Variants in ADAMTSL1 observed in about 807,000 individuals in gnomAD.
ADAMTSL1 encodes ADAMTS like 1.
A neutral mutation model predicts 201.8 loss-of-function variants in ADAMTSL1; 126 were observed. The observed-to-expected ratio is 0.62, with a 90% CI of 0.54 to 0.72. The LOEUF (loss-of-function observed/expected upper bound fraction) is 0.72, where lower values mean the gene tolerates loss of function less well. Ranked by LOEUF, ADAMTSL1 falls within the 30% of genes least tolerant of loss-of-function variation. The pLI is 0.00. For missense variants in ADAMTSL1, 2,679 were observed against 2,277.8 expected (o/e 1.18, Z -3.59); for synonymous variants, 1,121 against 903.4 (o/e 1.24, Z -4.32).
chr9:18,753,578 C>T lies in ADAMTSL1; in HGVS notation c.2217+70C>T, dbSNP rs149162416. On this transcript the variant is annotated intron_variant, in intron 16 of 28. Transcript: ENST00000380548. Reference sequence around the variant, plus strand: ...GTGACTCAAAAAAGGGATGCTCTCTCAGAGTGGTTTTGTCCAGGGATGTTA... The same window carrying T: ...GTGACTCAAAAAAGGGATGCTCTCTTAGAGTGGTTTTGTCCAGGGATGTTA... 4.6e-5 allele frequency: 70 copies of T among 1,520,924 alleles called. 1 individual carries two copies. The East Asian group carries it at 8.7e-4, about 19-fold the overall frequency. 94.2% of individuals were successfully genotyped at this position (1,520,924 alleles called of 1,614,324 possible). A position where few individuals can be genotyped will look rare whatever the true frequency, so the allele number is the denominator to read the frequency against.
At chr9:17,975,879 T>C (rs1030408169) in intron 1 of ADAMTSL1, among the ~76,000 whole-genome samples, 1 of 152,122 alleles carries the variant, frequency 6.6e-6, no homozygotes, top group African/African-American at 2.4e-5. Context: ...TGTTTATCTA[T>C]TTAGAGTTGA....
At chr9:18,296,905 A>T (rs1284733982) in intron 2 of ADAMTSL1, among the ~76,000 whole-genome samples, 14 of 152,228 alleles carry the variant, frequency 9.2e-5, no homozygotes, top group Admixed American at 9.2e-4. Flanking sequence ...TTTGTATCTC[A>T]GAGGCTTAAA....
chr9:18,346,434 A>G (rs892947776), intron 2 of ADAMTSL1, among the ~76,000 whole-genome samples: 3 of 152,134 alleles, frequency 2.0e-5, no homozygotes, highest in African/African-American at 4.8e-5. Flanking sequence ...TTTCCCACAT[A>G]CTAGCTGAGT....
intron 2 of ADAMTSL1, among the ~76,000 whole-genome samples, chr9:18,276,203 TTTA>T (rs1189278588): frequency 1.3e-5 from 2 of 152,190 alleles, no homozygotes; most frequent in African/African-American, 4.8e-5. Context: ...TGTTTGTCTT[TTTA>T]TTATTAAGTT....
rs145931015 is a variant in ADAMTSL1, at chr9:18,050,430, T to C, written c.88-113432T>C. ...AAGTGACTTTTTAATAAATATTCCCTGTAAGAAAAATAAAAAAATTATTAT... is the reference window on the plus strand; with the variant it reads ...AAGTGACTTTTTAATAAATATTCCCCGTAAGAAAAATAAAAAAATTATTAT... On this transcript the variant is annotated intron_variant, in intron 1 of 29. Transcript: ENST00000680146. Among the ~76,000 whole-genome samples, 1,480 of 152,272 alleles carry C rather than the reference T, an allele frequency of 9.7e-3. 33 individuals are homozygous for C. Among genetic ancestry groups the C allele is most frequent in the African/African-American group, 0.034 (1,396 of 41,554 alleles).
At chr9:18,613,804 A>G (rs1212195477) in intron 4 of ADAMTSL1, among the ~76,000 whole-genome samples, 2 of 152,148 alleles carry the variant, frequency 1.3e-5, no homozygotes, top group Non-Finnish European at 2.9e-5. Flanking sequence ...TGGGCAATGA[A>G]GTAATCTGTA....
intron 2 of ADAMTSL1, among the ~76,000 whole-genome samples, chr9:18,281,671 A>C (rs560030251): frequency 6.6e-6 from 1 of 152,240 alleles, no homozygotes; most frequent in African/African-American, 2.4e-5. Context: ...TGAACGCCTC[A>C]AAGGGCTCAG....
At chr9:18,103,765 T>C (rs925631703) in intron 1 of ADAMTSL1, among the ~76,000 whole-genome samples, 2 of 152,224 alleles carry the variant, frequency 1.3e-5, no homozygotes, top group Admixed American at 1.3e-4. Context: ...GGAATTCTAT[T>C]CAAGAACTTA....
intron 26 of ADAMTSL1, among the ~76,000 whole-genome samples, chr9:18,892,822 G>A (rs1829373401): frequency 3.9e-5 from 6 of 152,014 alleles, no homozygotes; most frequent in Admixed American, 3.3e-4. Flanking sequence ...ATGTTTTTAG[G>A]CAGTCAGCAA....
intron 1 of ADAMTSL1, among the ~76,000 whole-genome samples, chr9:18,033,887 G>C (rs557678025): frequency 9.2e-5 from 14 of 152,094 alleles, no homozygotes; most frequent in African/African-American, 3.1e-4. Flanking sequence ...TATTTTTGTT[G>C]GTTATTTTCT....
intron 15 of ADAMTSL1, among the ~76,000 whole-genome samples, chr9:18,741,525 A>G (rs966988981): frequency 8.5e-5 from 13 of 152,244 alleles, no homozygotes. Context: ...ATGTAAATAG[A>G]TGGATTAAAA....
chr9:18,637,005 G>C lies in ADAMTSL1; in HGVS notation c.676+988G>C, dbSNP rs1201840357. On this transcript the variant is annotated intron_variant, in intron 6 of 28. Coordinates refer to ENST00000380548, the MANE Select transcript of ADAMTSL1 (RefSeq NM_001040272.6). ...GAAATCACGCTAAAAAGGCAAACAAGAGGAAGACAAATTGAAGCCCATAAA... is the reference window on the plus strand; with the variant it reads ...GAAATCACGCTAAAAAGGCAAACAACAGGAAGACAAATTGAAGCCCATAAA... Among the ~76,000 whole-genome samples the C allele has an allele frequency of 2.0e-5, 3 of 152,182 alleles. No individual in the cohort carries two copies. The East Asian group carries it at 5.8e-4, about 29-fold the overall frequency.
intron 12 of ADAMTSL1, among the ~76,000 whole-genome samples, chr9:18,683,898 A>C (rs1216836059): frequency 6.6e-6 from 1 of 152,136 alleles, no homozygotes; most frequent in Non-Finnish European, 1.5e-5. Flanking sequence ...TATTTCTTTC[A>C]TCTTTGCAAT....
intron 13 of ADAMTSL1, among the ~76,000 whole-genome samples, chr9:18,696,712 C>G (rs7024939): frequency 0.022 from 3,362 of 152,128 alleles, 42 homozygotes; most frequent in Middle Eastern, 0.051. Context: ...CAAGTCCTGA[C>G]AATACCATTT....
intron 1 of ADAMTSL1, among the ~76,000 whole-genome samples, chr9:18,083,239 T>C (rs769022499): frequency 3.3e-5 from 5 of 152,178 alleles, no homozygotes; most frequent in Non-Finnish European, 7.4e-5. Context: ...CCTACAAGTA[T>C]TGGAAAGATG....
chr9:18,886,596 C>T (rs543633963), intron 23 of ADAMTSL1, among the ~76,000 whole-genome samples: 59 of 152,274 alleles, frequency 3.9e-4, no homozygotes, highest in Admixed American at 3.9e-4. Context: ...GATTTGATAT[C>T]GGTGAGGGCT....
At chr9:18,154,730 T>G (rs922280913) in intron 1 of ADAMTSL1, among the ~76,000 whole-genome samples, 7 of 152,118 alleles carry the variant, frequency 4.6e-5, no homozygotes, top group Non-Finnish European at 1.0e-4. Flanking sequence ...ACAATTTTTT[T>G]GAAGAACTAG....
At chr9:18,747,442 C>T (rs1441091172) in intron 15 of ADAMTSL1, among the ~76,000 whole-genome samples, 3 of 151,678 alleles carry the variant, frequency 2.0e-5, no homozygotes, top group African/African-American at 7.3e-5. Context: ...AAGAAGCAGC[C>T]CCATTCTCGG....
At chr9:18,122,911 G>A (rs1331543869) in intron 1 of ADAMTSL1, among the ~76,000 whole-genome samples, 1 of 151,970 alleles carries the variant, frequency 6.6e-6, no homozygotes, top group Non-Finnish European at 1.5e-5. Context: ...GCTAATTTTT[G>A]TACTTTTTGT....
Sources: allele counts gnomAD v4.1 joint callset (sites outside exome capture counted in the v4.1 genomes callset), GRCh38; gene constraint gnomAD v4.1.1; transcripts MANE v1.5; gene names NCBI Gene and HGNC (gene_info 2026-07-23, HGNC 2026-07-21).